Variants in ZNF529 observed in about 807,000 individuals in gnomAD.
The protein encoded by ZNF529 is zinc finger protein 529.
A neutral mutation model predicts 10.1 loss-of-function variants in ZNF529; 11 were observed. The observed-to-expected ratio is 1.09, with a 90% CI of 0.69 to 1.81. The LOEUF is 1.81. Among genes scored for constraint, ZNF529 ranks in the 40% most tolerant of loss-of-function variants. The probability of loss-of-function intolerance (pLI) is 0.00; values close to 1 mark genes in which losing one functional copy is unlikely to be tolerated. For synonymous variants in ZNF529, 204 were observed against 215.7 expected (o/e 0.95, Z 0.47); for missense variants, 624 against 666.8 (o/e 0.94, Z 0.71).
intron 4 of ZNF529, 22 bp from the exon 5 acceptor site, chr19:36,548,344 T>G: frequency 6.7e-7 from 1 of 1,491,170 alleles, no homozygotes; most frequent in Non-Finnish European, 8.9e-7. Flanking sequence ...GAAAAAATAA[T>G]TTTCATGTAC....
At chr19:36,563,905 A>G (rs1301480265) in intron 2 of ZNF529, among the ~76,000 whole-genome samples, 2 of 152,296 alleles carry the variant, frequency 1.3e-5, no homozygotes, top group African/African-American at 4.8e-5. Context: ...CCAAAACGCA[A>G]TGGTTTGGAA....
At chr19:36,594,482 C>G (rs1184812839) in intron 1 of ZNF529, 2 of 152,194 alleles carry the variant, frequency 1.3e-5, no homozygotes, top group Admixed American at 1.3e-4. Flanking sequence ...GTGAGGAATC[C>G]AAGCAGCTAC....
intron 1 of ZNF529, among the ~76,000 whole-genome samples, chr19:36,602,443 CTT>C (rs34137129): frequency 0.042 from 6,119 of 146,642 alleles, 413 homozygotes; most frequent in African/African-American, 0.14. Flanking sequence ...TATTACTCTC[CTT>C]TTTTTTTTTT....
At chr19:36,565,294 C>T (rs2035854176) in intron 2 of ZNF529, among the ~76,000 whole-genome samples, 1 of 152,052 alleles carries the variant, frequency 6.6e-6, no homozygotes, top group Non-Finnish European at 1.5e-5. Context: ...AAAACATACC[C>T]AAGTAAACAA....
chr19:36,549,258 G>A (rs2035171866), intron 4 of ZNF529, among the ~76,000 whole-genome samples: 1 of 151,630 alleles, frequency 6.6e-6, no homozygotes, highest in Non-Finnish European at 1.5e-5. Context: ...TTTTTCAGTT[G>A]TGTATTCAAT....
intron 2 of ZNF529, 122 bp from the exon 3 acceptor site, chr19:36,556,319 T>A (rs990015473): frequency 1.6e-6 from 1 of 642,222 alleles, no homozygotes; most frequent in Non-Finnish European, 2.8e-6. Flanking sequence ...TTAAGAACTC[T>A]TAGAGTCTAG....
rs1346387126 is a variant in ZNF529, at chr19:36,547,188, T to C, written c.1370A>G (p.Lys457Arg). The change falls in exon 5 of 5, where the codon AAG (lysine) becomes AGG (arginine). Residue 457 changes from lysine to arginine, a missense_variant. Physicochemically the swap from Lys to Arg is conservative, Grantham distance 26 (BLOSUM62 2). Transcript: ENST00000591340. The stretch of plus-strand genomic sequence containing the variant: ...AAGGGCTGACGTAAGTCTAAAGAAC[T>C]TTCCACACTCCTTACATTCATAAGG... ...QKPYECKECGKFFRLTSALIQ... is the reference protein window; with the variant it reads ...QKPYECKECGRFFRLTSALIQ... 3 of 1,613,210 alleles carry C rather than the reference T, an allele frequency of 1.9e-6. No homozygotes were observed. The African/African-American group carries it at 4.0e-5, about 22-fold the overall frequency.
intron 2 of ZNF529, among the ~76,000 whole-genome samples, chr19:36,586,618 GA>G (rs887727716): frequency 0.015 from 2,026 of 136,060 alleles, 32 homozygotes; most frequent in African/African-American, 0.04. Flanking sequence ...CTCAAAAAAA[GA>G]AAAAAAAAAA....
At chr19:36,599,702 C>G (rs552950871) in intron 1 of ZNF529, among the ~76,000 whole-genome samples, 1 of 152,070 alleles carries the variant, frequency 6.6e-6, no homozygotes, top group South Asian at 2.1e-4. Flanking sequence ...TTAATTCCAT[C>G]ATCAGGAATG....
At chr19:36,569,094 G>A (rs765541425) in intron 2 of ZNF529, among the ~76,000 whole-genome samples, 2 of 152,144 alleles carry the variant, frequency 1.3e-5, no homozygotes, top group African/African-American at 4.8e-5. Context: ...ATATACACAG[G>A]TATAGGCACA....
intron 4 of ZNF529, among the ~76,000 whole-genome samples, chr19:36,548,559 T>C (rs1218564767): frequency 2.0e-5 from 3 of 152,212 alleles, no homozygotes; most frequent in Non-Finnish European, 2.9e-5. Flanking sequence ...GGTAAGCTCA[T>C]TGGTTAAACA....
intron 2 of ZNF529, among the ~76,000 whole-genome samples, chr19:36,570,564 A>G (rs2036068262): frequency 6.6e-6 from 1 of 152,126 alleles, no homozygotes; most frequent in South Asian, 2.1e-4. Flanking sequence ...TATTTGCCCT[A>G]TGCAACTTTT....
intron 1 of ZNF529, 137 bp from the exon 2 acceptor site, chr19:36,572,529 T>G: frequency 1.5e-6 from 1 of 649,630 alleles, no homozygotes; most frequent in Non-Finnish European, 2.7e-6. Context: ...TACTGTCGAC[T>G]CCTCCCCACA....
intron 2 of ZNF529, among the ~76,000 whole-genome samples, chr19:36,566,199 T>C (rs1021881137): frequency 2.0e-5 from 3 of 152,320 alleles, no homozygotes; most frequent in African/African-American, 7.2e-5. Flanking sequence ...TTCTGAGTTG[T>C]GTGAGTCCAT....
intron 1 of ZNF529, among the ~76,000 whole-genome samples, chr19:36,600,504 T>C (rs2036906839): frequency 6.6e-6 from 1 of 152,210 alleles, no homozygotes; most frequent in Non-Finnish European, 1.5e-5. Context: ...CAATTTCTTA[T>C]TATCTATGTA....
chr19:36,560,213 C>T lies in ZNF529; in HGVS notation c.15-4016G>A, dbSNP rs1175965633. ...CAGAGGTTGCGGTGAGCCGAGATCA[C>T]GCCATTGTACTCCAGCCTGGGCAAC... On this transcript the variant is annotated intron_variant, in intron 2 of 4. Coordinates refer to ENST00000591340, the MANE Select transcript of ZNF529 (RefSeq NM_020951.5). Among the ~76,000 whole-genome samples the T allele has an allele frequency of 4.9e-5, 7 of 142,048 alleles. No individual in the cohort carries two copies. In the South Asian group the frequency reaches 6.5e-4, roughly 13 times the overall value. The allele number at this position is 142,048 out of a possible 152,430, so 93.2% of individuals were successfully genotyped here.
upstream of ZNF529, chr19:36,577,135 T>C: frequency 2.2e-6 from 1 of 452,294 alleles, no homozygotes; most frequent in Non-Finnish European, 4.4e-6. Context: ...GTATTTTGTA[T>C]TTTAGGTGGA....
In ZNF529 at chr19:36,545,721, T is replaced by C. The variant is rs2034984340; in HGVS notation, c.*1145A>G. 6.6e-6 allele frequency: 1 copy of C among 151,854 alleles called. No homozygotes were observed. 9.4% of individuals were successfully genotyped at this position (151,854 alleles called of 1,614,324 possible). On this transcript the variant is annotated 3_prime_UTR_variant, in exon 5 of 5. Transcript: ENST00000591340. Reference sequence around the variant, plus strand: ...GGAATAAAAAGAAAAATAATGATAATAGATTAAAAAAACAATTGAAGCCAT... The same window carrying C: ...GGAATAAAAAGAAAAATAATGATAACAGATTAAAAAAACAATTGAAGCCAT...
upstream of ZNF529, chr19:36,573,398 GGC>G (rs1449444968): frequency 2.1e-6 from 1 of 466,226 alleles, no homozygotes; most frequent in East Asian, 7.0e-5. Flanking sequence ...GGAGCCCGCT[GGC>G]CGCAGGGGCC....
Sources: allele counts gnomAD v4.1 joint callset (sites outside exome capture counted in the v4.1 genomes callset), GRCh38; gene constraint gnomAD v4.1.1; transcripts MANE v1.5; gene names NCBI Gene and HGNC (gene_info 2026-07-23, HGNC 2026-07-21).